CACNA1B: variants seen among roughly 807,000 people sequenced by gnomAD.
CACNA1B encodes the protein calcium voltage-gated channel subunit alpha1 B, also known as voltage-dependent N-type calcium channel subunit alpha-1B.
A neutral mutation model predicts 247.2 loss-of-function variants in CACNA1B; 70 were observed. That is an observed-to-expected ratio of 0.28 (90% CI 0.23 to 0.35). CACNA1B has a LOEUF of 0.35. Among genes scored for constraint, CACNA1B ranks in the 10% least tolerant of loss-of-function variants. The probability of loss-of-function intolerance (pLI) is 1.00; values close to 1 mark genes in which losing one functional copy is unlikely to be tolerated. For synonymous variants in CACNA1B, 1,231 were observed against 1,294.4 expected, an observed-to-expected ratio of 0.95 and a Z score of 1.05; for missense variants, 2,367 against 3,197.4, an observed-to-expected ratio of 0.74 and a Z score of 6.26.
chr9:137,923,617 G>C (rs1957516959), intron 6 of CACNA1B, among the ~76,000 whole-genome samples: 1 of 152,194 alleles, frequency 6.6e-6, no homozygotes, highest in South Asian at 2.1e-4. Flanking sequence ...TAGAGTTGCT[G>C]TACACATTTT....
intron 21 of CACNA1B, among the ~76,000 whole-genome samples, chr9:138,045,826 A>G (rs887311352): frequency 2.6e-5 from 4 of 152,216 alleles, no homozygotes. Context: ...GGCAGGAGCT[A>G]GATGGCTGAG....
intron 10 of CACNA1B, among the ~76,000 whole-genome samples, chr9:137,965,034 G>A (rs1005949246): frequency 3.3e-5 from 5 of 152,214 alleles, no homozygotes; most frequent in African/African-American, 9.6e-5. Context: ...AGTGAAGGTC[G>A]TGAAACAGCA....
At chr9:138,096,368 A>G (rs911368809) in intron 36 of CACNA1B, 116 bp from the exon 37 acceptor site, 1 of 842,348 alleles carries the variant, frequency 1.2e-6, no homozygotes, top group Non-Finnish European at 1.9e-6. Flanking sequence ...TGCTGGTCAA[A>G]TCAGAGTGAC....
intron 12 of CACNA1B, among the ~76,000 whole-genome samples, chr9:137,982,510 T>C (rs1958306183): frequency 6.6e-6 from 1 of 152,228 alleles, no homozygotes; most frequent in Admixed American, 6.5e-5. Flanking sequence ...CAACCCATCC[T>C]TAAGGGGATA....
intron 3 of CACNA1B, among the ~76,000 whole-genome samples, chr9:137,903,296 G>T (rs1957260514): frequency 6.6e-6 from 1 of 152,202 alleles, no homozygotes; most frequent in Non-Finnish European, 1.5e-5. Flanking sequence ...TGAGGCAGGA[G>T]AATCACTTGA....
chr9:138,074,100 C>T (rs749853551), intron 34 of CACNA1B, 34 bp downstream of exon 34: 27 of 1,529,702 alleles, frequency 1.8e-5, no homozygotes, highest in South Asian at 6.7e-5. Context: ...AGCGTGGTTC[C>T]GGCCTCCCGT....
intron 21 of CACNA1B, 84 bp from the exon 22 acceptor site, chr9:138,046,820 G>A: frequency 7.3e-6 from 10 of 1,362,432 alleles, no homozygotes; most frequent in Non-Finnish European, 1.0e-5. Context: ...AGCCCTTTCT[G>A]CGGGACGGGC....
chr9:138,104,979 G>C (rs1430840479), intron 38 of CACNA1B, among the ~76,000 whole-genome samples: 1 of 152,258 alleles, frequency 6.6e-6, no homozygotes, highest in Non-Finnish European at 1.5e-5. Flanking sequence ...ACCTGAGAGG[G>C]AGACGGAGCA....
intron 10 of CACNA1B, among the ~76,000 whole-genome samples, chr9:137,959,643 G>C (rs1441116234): frequency 6.6e-6 from 1 of 151,822 alleles, no homozygotes; most frequent in African/African-American, 2.4e-5. Context: ...AAATCGCCCC[G>C]TTCTCAGGGT....
At chr9:137,991,457 C>T (rs962408757) in intron 15 of CACNA1B, among the ~76,000 whole-genome samples, 18 of 152,130 alleles carry the variant, frequency 1.2e-4, no homozygotes, top group Admixed American at 2.0e-4. Context: ...AATTGGTGTT[C>T]CTGAGGAAGA....
intron 12 of CACNA1B, among the ~76,000 whole-genome samples, chr9:137,982,766 C>G (rs1363615994): frequency 2.6e-5 from 4 of 152,222 alleles, no homozygotes; most frequent in African/African-American, 4.8e-5. Context: ...CATGTGATCA[C>G]CAAGAACAGA....
At chr9:137,992,468 T>C (rs1346244037) in intron 15 of CACNA1B, among the ~76,000 whole-genome samples, 1 of 152,176 alleles carries the variant, frequency 6.6e-6, no homozygotes, top group Non-Finnish European at 1.5e-5. Flanking sequence ...AGAAATGATA[T>C]AGACGGCAAC....
intron 12 of CACNA1B, among the ~76,000 whole-genome samples, chr9:137,976,571 G>A (rs550351640): frequency 1.1e-4 from 17 of 152,010 alleles, no homozygotes; most frequent in African/African-American, 2.4e-4. Context: ...GAACACAGAC[G>A]GCAGGGCAGG....
chr9:138,095,918 G>T (rs965950277), intron 36 of CACNA1B, among the ~76,000 whole-genome samples: 1 of 144,334 alleles, frequency 6.9e-6, no homozygotes, highest in African/African-American at 2.5e-5. Context: ...GAAACAGAAA[G>T]GAGATTGGTG....
intron 38 of CACNA1B, among the ~76,000 whole-genome samples, chr9:138,104,439 G>T (rs534978414): frequency 6.6e-6 from 1 of 152,358 alleles, no homozygotes; most frequent in South Asian, 2.1e-4. Flanking sequence ...CGCCATTCAT[G>T]CTGGTCTGCA....
Position 138,053,880 on chromosome 9 carries a change from A to ATGT in CACNA1B, c.3843_3845dup (p.Val1282dup). ...GACTGTGTGGTGAACTCCCTGAAGA[A>ATGT]TGTCCTCAACATCTTGATTGTCTAC... On this transcript the variant is annotated inframe_insertion, in exon 26 of 47. Coordinates refer to ENST00000371372, the MANE Select transcript of CACNA1B (RefSeq NM_000718.4). 2 of 1,613,356 alleles carry ATGT rather than the reference A, an allele frequency of 1.2e-6. No individual in the cohort carries two copies. Among genetic ancestry groups the ATGT allele is most frequent in the Non-Finnish European group, 1.7e-6 (2 of 1,179,410 alleles).
In CACNA1B at chr9:137,986,718, G is replaced by A; in HGVS notation, c.1902-64G>A. ...GCGAGCAGGTTGAGGCCACGCTGGA[G>A]CCTGCAGGCGCTGCCTCGCTGCTGA... is the stretch of plus-strand genomic sequence containing the variant. On this transcript the variant is annotated intron_variant, in intron 14 of 46. Coordinates refer to ENST00000371372, the MANE Select transcript of CACNA1B (RefSeq NM_000718.4). The surrounding 1 kb of genome is among the most constrained non-coding windows in gnomAD (Gnocchi z 6.0). 1.4e-6 allele frequency: 2 copies of A among 1,438,304 alleles called. No homozygotes were observed. Among genetic ancestry groups the A allele is most frequent in the South Asian group, 1.1e-5 (1 of 87,498 alleles). 89.1% of individuals were successfully genotyped at this position (1,438,304 alleles called of 1,614,324 possible).
intron 34 of CACNA1B, 124 bp from the exon 35 acceptor site, chr9:138,075,695 G>T: frequency 1.5e-6 from 1 of 654,706 alleles, no homozygotes; most frequent in African/African-American, 1.8e-5. Flanking sequence ...GTTCTCTGGT[G>T]TGGGGCAGTC....
rs1362841152 is a variant in CACNA1B, at chr9:138,052,424, G to A, written c.3807+236G>A. 6.6e-6 allele frequency among the ~76,000 whole-genome samples: 1 copy of A among 152,152 alleles called. No individual in the cohort carries two copies. The highest frequency in any genetic ancestry group is 1.5e-5 in the Non-Finnish European group (1 of 68,030). ...GCCCAGCAGGACCAGGCGGCACAGG[G>A]TTTTTCTTCAGCAGCTGCAGTGCAG... On this transcript the variant is annotated intron_variant, in intron 25 of 46. Transcript: ENST00000371372. The surrounding 1 kb of genome is among the most constrained non-coding windows in gnomAD (Gnocchi z 5.1).
Sources: allele counts gnomAD v4.1 joint callset (sites outside exome capture counted in the v4.1 genomes callset), GRCh38; gene constraint gnomAD v4.1.1; non-coding constraint Gnocchi (gnomAD v3.1); transcripts MANE v1.5; gene names NCBI Gene and HGNC (gene_info 2026-07-23, HGNC 2026-07-21).